Variants in UBE3D observed in about 807,000 individuals in gnomAD.
UBE3D encodes ubiquitin protein ligase E3D.
A neutral mutation model predicts 49.6 loss-of-function variants in UBE3D; 48 were observed. That is an observed-to-expected ratio of 0.97 (90% CI 0.77 to 1.23). The LOEUF is 1.23. Among genes scored for constraint, UBE3D ranks in the 50% most tolerant of loss-of-function variants. The pLI is 0.00. For missense variants in UBE3D, 452 were observed against 468.4 expected, an observed-to-expected ratio of 0.96 and a Z score of 0.32; for synonymous variants, 189 against 174.2, an observed-to-expected ratio of 1.08 and a Z score of -0.67.
intron 5 of UBE3D, among the ~76,000 whole-genome samples, chr6:83,033,719 T>C (rs1007423656): frequency 1.3e-5 from 2 of 152,208 alleles, no homozygotes; most frequent in South Asian, 2.1e-4. Flanking sequence ...GCTTCCTGTA[T>C]AGGCTGCAGT....
rs781332051 is a variant in UBE3D at position 83,038,482 on chromosome 6, G to A, written c.601C>T (p.Pro201Ser). 6.2e-7 allele frequency: 1 copy of A among 1,607,598 alleles called. No homozygotes were observed. The highest frequency in any genetic ancestry group is 2.2e-5 in the East Asian group (1 of 44,596). The change falls in exon 5 of 10, where the codon CCA (proline) becomes TCA (serine). Residue 201 changes from proline to serine, a missense_variant. By Grantham distance (74) the Pro-to-Ser change is moderately conservative (BLOSUM62 -1). Transcript: ENST00000369747. ...CAAATTACTTTGGTATTTGCCTTTG[G>A]TTCCTGTAGAACAGAAAAATGTCAT... ...VSSDNHCKLE[P>S]KANTKVICKR...
intron 8 of UBE3D, among the ~76,000 whole-genome samples, chr6:82,960,669 G>A (rs756083437): frequency 1.3e-4 from 19 of 151,694 alleles, no homozygotes; most frequent in African/African-American, 3.1e-4. Flanking sequence ...TTTGGGATAC[G>A]TCTATGTCTC....
chr6:83,015,068 C>G (rs1000074211), intron 8 of UBE3D, among the ~76,000 whole-genome samples: 7 of 152,156 alleles, frequency 4.6e-5, no homozygotes, highest in African/African-American at 1.7e-4. Flanking sequence ...AGTGCCACAA[C>G]TTGGCCACTG....
At chr6:82,902,438 G>A (rs1319797144) in intron 9 of UBE3D, among the ~76,000 whole-genome samples, 3 of 152,138 alleles carry the variant, frequency 2.0e-5, no homozygotes, top group Non-Finnish European at 2.9e-5. Flanking sequence ...ACACTGCTCA[G>A]CAATAAAAAG....
chr6:82,947,926 C>T (rs527609197), intron 9 of UBE3D, among the ~76,000 whole-genome samples: 54 of 151,804 alleles, frequency 3.6e-4, no homozygotes, highest in Admixed American at 1.8e-3. Context: ...GAAAAACCTT[C>T]AATAAACAAC....
At chr6:82,977,113 C>CAAAAA (rs58424434) in intron 8 of UBE3D, among the ~76,000 whole-genome samples, 21 of 42,588 alleles carry the variant, frequency 4.9e-4, no homozygotes, top group East Asian at 8.7e-4. Flanking sequence ...GACTCCATCT[C>CAAAAA]AAAAAAAAAA....
At chr6:82,966,261 G>C (rs1478973983) in intron 8 of UBE3D, among the ~76,000 whole-genome samples, 1 of 152,156 alleles carries the variant, frequency 6.6e-6, no homozygotes, top group Non-Finnish European at 1.5e-5. Flanking sequence ...AAGGAGGAAT[G>C]GGGAGTGATT....
chr6:83,017,927 A>C (rs1780807149), intron 8 of UBE3D: 1 of 152,188 alleles, frequency 6.6e-6, no homozygotes, highest in South Asian at 2.1e-4. Flanking sequence ...CACAATGGAA[A>C]GAATCTCTAA....
At chr6:82,967,474 C>A (rs574216884) in intron 8 of UBE3D, among the ~76,000 whole-genome samples, 1 of 152,096 alleles carries the variant, frequency 6.6e-6, no homozygotes, top group African/African-American at 2.4e-5. Context: ...CCTTCCCCAT[C>A]GCCTCCACTC....
At chr6:82,884,632 A>G in the UBE3D span, among the ~76,000 whole-genome samples, 16 of 152,332 alleles carry the variant, frequency 1.1e-4, no homozygotes, top group African/African-American at 3.6e-4. Context: ...TATTCTTTAA[A>G]TAGAAATAAA....
chr6:83,054,472 C>T (rs541744727), intron 2 of UBE3D, among the ~76,000 whole-genome samples: 5 of 152,164 alleles, frequency 3.3e-5, no homozygotes, highest in African/African-American at 4.8e-5. Flanking sequence ...CTCTAGATTA[C>T]GCATGTAGCA....
chr6:83,064,855 GA>G (rs1313678807), intron 1 of UBE3D, among the ~76,000 whole-genome samples: 1 of 152,114 alleles, frequency 6.6e-6, no homozygotes, highest in Non-Finnish European at 1.5e-5. Flanking sequence ...CAGATTTAGG[GA>G]AGAGGAAAAA....
intron 9 of UBE3D, among the ~76,000 whole-genome samples, chr6:82,942,972 AC>A (rs1775124382): frequency 1.3e-5 from 2 of 152,136 alleles, no homozygotes; most frequent in South Asian, 4.1e-4. Flanking sequence ...GACACTCAAC[AC>A]CAGCCCATGA....
intron 8 of UBE3D, among the ~76,000 whole-genome samples, chr6:83,012,704 A>G (rs187867442): frequency 2.6e-5 from 4 of 152,296 alleles, no homozygotes; most frequent in East Asian, 1.9e-4. Flanking sequence ...CAGTTTTCCA[A>G]TCATGCTTCT....
intron 8 of UBE3D, among the ~76,000 whole-genome samples, chr6:82,991,086 C>T (rs909480936): frequency 2.0e-5 from 3 of 152,140 alleles, no homozygotes; most frequent in Admixed American, 2.0e-4. Flanking sequence ...CATGTGGGCT[C>T]TCCATAGGCC....
the UBE3D span, among the ~76,000 whole-genome samples, chr6:82,883,659 C>A: frequency 6.6e-6 from 1 of 152,082 alleles, no homozygotes; most frequent in African/African-American, 2.4e-5. Context: ...AATCGAATGA[C>A]CTAAGATAAA....
At chr6:82,950,330 G>A (rs989997923) in intron 9 of UBE3D, among the ~76,000 whole-genome samples, 4 of 152,192 alleles carry the variant, frequency 2.6e-5, no homozygotes, top group Non-Finnish European at 5.9e-5. Context: ...TCTCACACCA[G>A]TTAAAATGGC....
At chr6:82,937,744 G>A (rs1427315759) in intron 9 of UBE3D, among the ~76,000 whole-genome samples, 3 of 152,166 alleles carry the variant, frequency 2.0e-5, no homozygotes, top group Non-Finnish European at 4.4e-5. Flanking sequence ...GGGTAGAGAA[G>A]GAAGACGAAA....
chr6:82,967,590 C>A (rs890649408), intron 8 of UBE3D, among the ~76,000 whole-genome samples: 5 of 152,056 alleles, frequency 3.3e-5, no homozygotes, highest in Non-Finnish European at 1.5e-5. Context: ...TTTTATAACT[C>A]ACCATAATTC....
Sources: allele counts gnomAD v4.1 joint callset (sites outside exome capture counted in the v4.1 genomes callset), GRCh38; gene constraint gnomAD v4.1.1; transcripts MANE v1.5; gene names NCBI Gene and HGNC (gene_info 2026-07-23, HGNC 2026-07-21).